Variants in OPRM1 observed in about 807,000 individuals in gnomAD.
OPRM1 encodes the protein opioid receptor mu 1.
A neutral mutation model predicts 31.8 loss-of-function variants in OPRM1; 27 were observed. That is an observed-to-expected ratio of 0.85 (90% CI 0.63 to 1.17). The LOEUF (loss-of-function observed/expected upper bound fraction) is 1.17. OPRM1 is among the 50% of genes most tolerant of loss of function. OPRM1 has a pLI of 0.00. For missense variants in OPRM1, 536 were observed against 511.1 expected (o/e 1.05, Z -0.47); for synonymous variants, 196 against 189.9 (o/e 1.03, Z -0.26).
intron 3 of OPRM1, chr6:154,223,120 A>C: frequency 6.7e-5 from 90 of 1,341,470 alleles, no homozygotes; most frequent in Non-Finnish European, 8.5e-5. Flanking sequence ...AACATTATGA[A>C]GAGATAGTAT....
At position 154,132,253 on chromosome 6, in the gene OPRM1, A is replaced by G. The variant is rs1797938989; in HGVS notation, c.*13532A>G. On this transcript the variant is annotated 3_prime_UTR_variant, in exon 4 of 4. Coordinates refer to ENST00000330432, the MANE Select transcript of OPRM1 (RefSeq NM_000914.5). Reference sequence around the variant, plus strand: ...AAATTTTTGCATTGTATTGTTCTTGATGTACCAGCATACATAAACATATTA... The same window carrying G: ...AAATTTTTGCATTGTATTGTTCTTGGTGTACCAGCATACATAAACATATTA... Among the ~76,000 whole-genome samples the G allele has an allele frequency of 1.3e-5, 2 of 152,198 alleles. No homozygotes were observed. The highest frequency in any genetic ancestry group is 1.3e-4 in the Admixed American group (2 of 15,280).
At chr6:154,149,969 G>A (rs556749883) in intron 3 of OPRM1, among the ~76,000 whole-genome samples, 3 of 152,178 alleles carry the variant, frequency 2.0e-5, no homozygotes, top group Non-Finnish European at 4.4e-5. Flanking sequence ...GATGCTAATA[G>A]CCCCCTCACC....
intron 1 of OPRM1, chr6:154,046,678 C>G (rs1005100668): frequency 2.6e-5 from 4 of 151,928 alleles, no homozygotes; most frequent in Non-Finnish European, 4.4e-5. Flanking sequence ...TTTTTCTTTC[C>G]CCATCAATTT....
At chr6:154,236,522 C>A (rs1385298054) in intron 3 of OPRM1, among the ~76,000 whole-genome samples, 1 of 152,090 alleles carries the variant, frequency 6.6e-6, no homozygotes, top group Non-Finnish European at 1.5e-5. Flanking sequence ...CTCAACTGTA[C>A]CCTTAAAAAT....
chr6:154,023,100 T>C (rs1248340114), intron 1 of OPRM1, among the ~76,000 whole-genome samples: 1 of 152,222 alleles, frequency 6.6e-6, no homozygotes. Context: ...GTCATTGGGA[T>C]TTTGATGGAA....
intron 3 of OPRM1, among the ~76,000 whole-genome samples, chr6:154,232,491 GTAT>G (rs955713672): frequency 1.3e-4 from 20 of 152,242 alleles, no homozygotes; most frequent in African/African-American, 4.6e-4. Context: ...AGCTAGCCTG[GTAT>G]TATACCATGG....
At chr6:154,192,117 G>T (rs1337021330) in intron 3 of OPRM1, among the ~76,000 whole-genome samples, 1 of 152,088 alleles carries the variant, frequency 6.6e-6, no homozygotes, top group African/African-American at 2.4e-5. Context: ...CTTCTCTAGG[G>T]GTATACACCT....
intron 1 of OPRM1, among the ~76,000 whole-genome samples, chr6:154,048,062 C>T (rs1781503569): frequency 6.6e-6 from 1 of 152,142 alleles, no homozygotes; most frequent in African/African-American, 2.4e-5. Context: ...AAAGGCCCCA[C>T]CTCCAAATAC....
intron 1 of OPRM1, among the ~76,000 whole-genome samples, chr6:154,066,916 C>T (rs111840794): frequency 3.0e-4 from 45 of 152,108 alleles, no homozygotes; most frequent in Non-Finnish European, 2.5e-4. Flanking sequence ...TATGTTTTTA[C>T]GAACTTGGTC....
rs561761559 is a variant in OPRM1, at chr6:154,162,934, C to G, written c.1164+71462C>G. Among the ~76,000 whole-genome samples, 359 of 152,320 alleles carry G rather than the reference C, an allele frequency of 2.4e-3. 1 individual carries two copies. The highest frequency in any genetic ancestry group is 8.4e-3 in the African/African-American group (351 of 41,570). ...CCACCCCACCAACTTCCAATGCACA[C>G]CAAACCCGGTTCCTACCGTAGTCTT... On this transcript the variant is annotated intron_variant, in intron 3 of 3. Coordinates refer to the OPRM1 transcript ENST00000337049.
intron 1 of OPRM1, among the ~76,000 whole-genome samples, chr6:154,055,518 C>T (rs1181168687): frequency 6.6e-6 from 1 of 152,258 alleles, no homozygotes; most frequent in African/African-American, 2.4e-5. Context: ...GGGCTTTTGC[C>T]TTTCCCTAGG....
intron 1 of OPRM1, among the ~76,000 whole-genome samples, chr6:154,071,659 G>A (rs1171156781): frequency 6.6e-6 from 1 of 152,206 alleles, no homozygotes; most frequent in South Asian, 2.1e-4. Flanking sequence ...AGAAACAAAG[G>A]TCTATCTAGA....
chr6:154,166,887 T>A (rs1397816193), intron 3 of OPRM1, among the ~76,000 whole-genome samples: 1 of 152,244 alleles, frequency 6.6e-6, no homozygotes, highest in Non-Finnish European at 1.5e-5. Flanking sequence ...TTATTATCGA[T>A]AAAAATTTTA....
At chr6:154,014,842 G>T (rs748782753) in intron 1 of OPRM1, among the ~76,000 whole-genome samples, 4 of 151,994 alleles carry the variant, frequency 2.6e-5, no homozygotes, top group Non-Finnish European at 5.9e-5. Flanking sequence ...TAAGGCATAG[G>T]GTATAAAAAG....
At chr6:154,160,761 G>A (rs948506666) in intron 3 of OPRM1, among the ~76,000 whole-genome samples, 1 of 152,070 alleles carries the variant, frequency 6.6e-6, no homozygotes, top group African/African-American at 2.4e-5. Context: ...CAAATATTCA[G>A]CCCTGACAAT....
downstream of OPRM1, among the ~76,000 whole-genome samples, chr6:154,135,506 GATAT>G (rs1269075374): frequency 6.6e-6 from 1 of 151,806 alleles, no homozygotes; most frequent in African/African-American, 2.4e-5. Context: ...TATAGATATA[GATAT>G]AGATATAGAT....
intron 1 of OPRM1, among the ~76,000 whole-genome samples, chr6:154,017,821 A>C (rs41462348): frequency 0.09 from 13,647 of 152,222 alleles, 1,103 homozygotes; most frequent in African/African-American, 0.21. Context: ...TCAATCAAAA[A>C]GTCAAATAAG....
intron 3 of OPRM1, among the ~76,000 whole-genome samples, chr6:154,147,159 A>G (rs868599972): frequency 2.0e-5 from 3 of 152,158 alleles, no homozygotes; most frequent in Non-Finnish European, 2.9e-5. Flanking sequence ...GGACAAGGCA[A>G]TGGGGAGTGG....
At position 154,168,193 on chromosome 6, in the gene OPRM1, A is replaced by G; in HGVS notation, c.1164+76721A>G. On this transcript the variant is annotated intron_variant, in intron 3 of 3. Transcript: ENST00000337049. The surrounding 1 kb of genome is among the most constrained non-coding windows in gnomAD (Gnocchi z 4.1). ...AGAGAACATTCAATACTGTGGTCCC[A>G]AGGCACGGCCCCACTGGCACCCTCA... 9.4e-7 allele frequency: 1 copy of G among 1,067,564 alleles called. No homozygotes were observed. Among genetic ancestry groups the G allele is most frequent in the Non-Finnish European group, 1.3e-6 (1 of 753,718 alleles). The allele number at this position is 1,067,564 out of a possible 1,614,324, so 66.1% of individuals were successfully genotyped here.
Sources: allele counts gnomAD v4.1 joint callset (sites outside exome capture counted in the v4.1 genomes callset), GRCh38; gene constraint gnomAD v4.1.1; non-coding constraint Gnocchi (gnomAD v3.1); transcripts MANE v1.5; gene names NCBI Gene and HGNC (gene_info 2026-07-23, HGNC 2026-07-21).